TRDN: variants seen among roughly 807,000 people sequenced by gnomAD.
The protein encoded by TRDN is triadin.
Under a neutral mutation model 149.7 loss-of-function variants are expected in TRDN, and 161 were observed. The ratio of observed to expected loss-of-function variants is 1.08; its 90% confidence interval spans 0.95 to 1.23. The LOEUF (loss-of-function observed/expected upper bound fraction) is 1.23, where lower values mean the gene tolerates loss of function less well. TRDN is among the 50% of genes most tolerant of loss of function. The pLI is 0.00. For synonymous variants in TRDN, 294 were observed against 250.5 expected, an observed-to-expected ratio of 1.17 and a Z score of -1.64; for missense variants, 896 against 823.5, an observed-to-expected ratio of 1.09 and a Z score of -1.08.
intron 10 of TRDN, chr6:123,464,293 A>G: frequency 1.0e-6 from 1 of 984,934 alleles, no homozygotes; most frequent in Non-Finnish European, 1.2e-6. Context: ...ATCTTGAGAC[A>G]TCATATTTTC....
At chr6:123,387,407 A>T (rs1781945821) in intron 14 of TRDN, among the ~76,000 whole-genome samples, 1 of 152,182 alleles carries the variant, frequency 6.6e-6, no homozygotes, top group Non-Finnish European at 1.5e-5. Flanking sequence ...CAATACAAAA[A>T]TATGGTGAAA....
chr6:123,559,099 C>T (rs1781835562), intron 2 of TRDN, among the ~76,000 whole-genome samples: 1 of 152,260 alleles, frequency 6.6e-6, no homozygotes, highest in African/African-American at 2.4e-5. Flanking sequence ...GGCTTAGCGG[C>T]TGAAGACTGA....
At chr6:123,557,325 C>G (rs1358320576) in intron 2 of TRDN, among the ~76,000 whole-genome samples, 1 of 152,128 alleles carries the variant, frequency 6.6e-6, no homozygotes, top group South Asian at 2.1e-4. Context: ...TGTCCTCCTA[C>G]TCTTTGCTCT....
At chr6:123,266,406 T>TTATA (rs1182626701) in intron 32 of TRDN, among the ~76,000 whole-genome samples, 1 of 105,624 alleles carries the variant, frequency 9.5e-6, no homozygotes, top group African/African-American at 4.2e-5. Flanking sequence ...ATGTATTATA[T>TTATA]ATAATATATA....
At chr6:123,338,938 T>A (rs550460177) in intron 21 of TRDN, among the ~76,000 whole-genome samples, 33 of 152,162 alleles carry the variant, frequency 2.2e-4, no homozygotes, top group Non-Finnish European at 3.8e-4. Context: ...TTTAGGCTTA[T>A]AAATTGGGTG....
intron 5 of TRDN, among the ~76,000 whole-genome samples, chr6:123,518,574 A>G (rs1346106928): frequency 6.6e-6 from 1 of 152,134 alleles, no homozygotes; most frequent in Admixed American, 6.6e-5. Context: ...TTTCAGATTG[A>G]CGTGTGCAAA....
chr6:123,232,347 G>A (rs919086913), intron 38 of TRDN, among the ~76,000 whole-genome samples: 1 of 152,058 alleles, frequency 6.6e-6, no homozygotes, highest in Non-Finnish European at 1.5e-5. Flanking sequence ...TTACAATTTG[G>A]AACGCTGTGT....
At chr6:123,316,106 C>A (rs1779011647) in intron 24 of TRDN, among the ~76,000 whole-genome samples, 1 of 151,830 alleles carries the variant, frequency 6.6e-6, no homozygotes, top group Non-Finnish European at 1.5e-5. Flanking sequence ...AGGCATTTGA[C>A]ATGCTCTGTA....
At chr6:123,322,948 T>C (rs915949607) in intron 23 of TRDN, among the ~76,000 whole-genome samples, 17 of 152,070 alleles carry the variant, frequency 1.1e-4, no homozygotes, top group Admixed American at 2.0e-4. Flanking sequence ...CTGTCCCACC[T>C]TTTTTCACTG....
chr6:123,455,125 G>A (rs1351495458), intron 10 of TRDN, among the ~76,000 whole-genome samples: 1 of 152,034 alleles, frequency 6.6e-6, no homozygotes, highest in Non-Finnish European at 1.5e-5. Flanking sequence ...AAAGTTATTT[G>A]ACTTCACGAT....
intron 4 of TRDN, among the ~76,000 whole-genome samples, chr6:123,536,289 C>T (rs929121729): frequency 2.0e-5 from 3 of 152,008 alleles, no homozygotes; most frequent in African/African-American, 7.3e-5. Flanking sequence ...ATACTAGCCA[C>T]TTGAGAAATG....
rs564509215 is a variant in TRDN, at chr6:123,261,717, C to A, written c.1805-1079G>T. On this transcript the variant is annotated intron_variant, in intron 33 of 40. Transcript: ENST00000334268. ...AATATTTTATGACAATGAAGGTATA[C>A]AATAAATAATGTTTCATAAAAATAT... is the stretch of plus-strand genomic sequence containing the variant. Among the ~76,000 whole-genome samples, 166 of 151,702 alleles carry A rather than the reference C, an allele frequency of 1.1e-3. 1 individual carries two copies. The highest frequency in any genetic ancestry group is 3.8e-3 in the African/African-American group (159 of 41,470).
At chr6:123,273,855 C>T (rs535277783) in intron 27 of TRDN, among the ~76,000 whole-genome samples, 1 of 152,044 alleles carries the variant, frequency 6.6e-6, no homozygotes, top group South Asian at 2.1e-4. Context: ...GAACTTGCCT[C>T]AGGTCAATTG....
chr6:123,599,486 A>AT (rs1784183479), intron 1 of TRDN, among the ~76,000 whole-genome samples: 1 of 152,108 alleles, frequency 6.6e-6, no homozygotes, highest in Non-Finnish European at 1.5e-5. Flanking sequence ...AAAACTATGC[A>AT]TTTTCATTCA....
intron 22 of TRDN, 93 bp from the exon 23 acceptor site, chr6:123,332,022 G>A (rs984195392): frequency 2.0e-5 from 19 of 962,470 alleles, no homozygotes; most frequent in Non-Finnish European, 2.9e-5. Context: ...GTATCAGTAA[G>A]CTGAAAGTAA....
intron 23 of TRDN, among the ~76,000 whole-genome samples, chr6:123,322,619 ATT>A (rs1273987054): frequency 2.8e-5 from 1 of 36,354 alleles, no homozygotes; most frequent in Non-Finnish European, 5.5e-5. Flanking sequence ...AAAATTTATT[ATT>A]ATTATTATTA....
At chr6:123,242,710 G>C (rs138614667) in intron 38 of TRDN, among the ~76,000 whole-genome samples, 1 of 152,224 alleles carries the variant, frequency 6.6e-6, no homozygotes, top group African/African-American at 2.4e-5. Context: ...CTGTCTGGCT[G>C]TGATGGGCTG....
chr6:123,448,942 G>C (rs373050055), intron 10 of TRDN, among the ~76,000 whole-genome samples: 1 of 152,070 alleles, frequency 6.6e-6, no homozygotes, highest in East Asian at 1.9e-4. Flanking sequence ...GGGTAGACGC[G>C]CTGGGTGGCT....
chr6:123,260,534 G>A, intron 34 of TRDN, 78 bp downstream of exon 34: 7 of 1,362,548 alleles, frequency 5.1e-6, no homozygotes, highest in Non-Finnish European at 6.8e-6. Context: ...TTTTCTAAAT[G>A]TTATACATCT....
Sources: gnomAD v4.1 joint callset for allele counts (sites outside exome capture counted in the v4.1 genomes callset) on GRCh38, gnomAD v4.1.1 for gene constraint, MANE v1.5 for transcripts, NCBI Gene and HGNC (gene_info 2026-07-23, HGNC 2026-07-21) for gene names.